The following GLDN variants were observed in gnomAD, a reference collection of about 807,000 sequenced individuals.
GLDN encodes the protein collomin.
In GLDN, 47 loss-of-function variants were observed where a neutral mutation model predicts 56.5. The observed-to-expected ratio is 0.83, with a 90% CI of 0.66 to 1.06. The LOEUF (loss-of-function observed/expected upper bound fraction) is 1.06, where lower values mean the gene tolerates loss of function less well. GLDN is among the 50% of genes least tolerant of loss of function. GLDN has a pLI of 0.00. For synonymous variants in GLDN, 332 were observed against 278.8 expected, an observed-to-expected ratio of 1.19 and a Z score of -1.90; for missense variants, 782 against 714.3, an observed-to-expected ratio of 1.09 and a Z score of -1.08.
intron 1 of GLDN, among the ~76,000 whole-genome samples, chr15:51,376,564 A>G (rs1325053119): frequency 6.6e-6 from 1 of 152,290 alleles, no homozygotes; most frequent in East Asian, 1.9e-4. Flanking sequence ...CAACAAATTA[A>G]CCTTAGCTTA....
chr15:51,353,714 T>TAAAAAA (rs1555401993), intron 1 of GLDN, among the ~76,000 whole-genome samples: 2 of 72,150 alleles, frequency 2.8e-5, no homozygotes, highest in African/African-American at 8.8e-5. Context: ...CGGATTTGAT[T>TAAAAAA]AAAAAAAAAA....
At chr15:51,351,698 T>G (rs1028542204) in intron 1 of GLDN, among the ~76,000 whole-genome samples, 24 of 152,296 alleles carry the variant, frequency 1.6e-4, no homozygotes, top group African/African-American at 5.3e-4. Context: ...TGTCCTTAGC[T>G]CAAGCAACCT....
chr15:51,371,493 T>A (rs962787175), intron 1 of GLDN, among the ~76,000 whole-genome samples: 2 of 152,236 alleles, frequency 1.3e-5, no homozygotes, highest in Non-Finnish European at 2.9e-5. Flanking sequence ...TCCTGGGGCC[T>A]CTTCCTTGGC....
At chr15:51,376,896 C>T (rs1490810178) in intron 1 of GLDN, among the ~76,000 whole-genome samples, 1 of 152,162 alleles carries the variant, frequency 6.6e-6, no homozygotes, top group Non-Finnish European at 1.5e-5. Flanking sequence ...CAGTGCCTTC[C>T]TCTGGAATAC....
Position 51,400,334 on chromosome 15 carries a change from T to C in GLDN, c.902-39T>C, listed in dbSNP as rs775626584. On this transcript the variant is annotated intron_variant, in intron 7 of 9. Coordinates refer to ENST00000335449, the MANE Select transcript of GLDN (RefSeq NM_181789.4). ...GAAATTGAATACCTTCAAGTCATAATTGGCAGGCAAGTGACTTTCTTTTCT... is the reference window on the plus strand; with the variant it reads ...GAAATTGAATACCTTCAAGTCATAACTGGCAGGCAAGTGACTTTCTTTTCT... 6 of 1,614,010 alleles carry C rather than the reference T, an allele frequency of 3.7e-6. No individual in the cohort carries two copies. The African/African-American group carries it at 5.3e-5, about 14-fold the overall frequency.
chr15:51,341,765 GGC>G lies in GLDN; in HGVS notation c.84_85del (p.Leu29GlnfsTer81), dbSNP rs2036885728. On this transcript the variant is annotated frameshift_variant, in exon 1 of 10. Coordinates refer to ENST00000335449, the MANE Select transcript of GLDN (RefSeq NM_181789.4). LOFTEE classifies it high-confidence loss of function. Reference protein sequence around the residue: ...GALAAVALLSALNAAGTVFAL... With the variant: ...GALAAVALLSXLNAAGTVFAL... ...CCCTGGCGGCCGTGGCGCTGCTCTC[GGC>G]GCTCAACGCTGCGGGCACGGTGTTC... 53 of 1,487,168 alleles carry G rather than the reference GGC, an allele frequency of 3.6e-5. No homozygotes were observed. The highest frequency in any genetic ancestry group is 4.7e-5 in the Non-Finnish European group (53 of 1,128,938). 92.1% of individuals were successfully genotyped at this position (1,487,168 alleles called of 1,614,324 possible). A position where few individuals can be genotyped will look rare whatever the true frequency, so the allele number is the denominator to read the frequency against.
chr15:51,411,579 G>T (rs1030787104), downstream of GLDN, among the ~76,000 whole-genome samples: 2 of 152,174 alleles, frequency 1.3e-5, no homozygotes, highest in African/African-American at 4.8e-5. Flanking sequence ...GTCACTGTTG[G>T]AACTACTCAC....
intron 1 of GLDN, among the ~76,000 whole-genome samples, chr15:51,353,713 T>TAAAA (rs1566935693): frequency 0.014 from 1,120 of 80,442 alleles, 76 homozygotes; most frequent in African/African-American, 0.059. Context: ...TCGGATTTGA[T>TAAAA]TAAAAAAAAA....
At chr15:51,346,277 C>T (rs576782231) in intron 1 of GLDN, among the ~76,000 whole-genome samples, 2 of 152,006 alleles carry the variant, frequency 1.3e-5, no homozygotes, top group African/African-American at 4.8e-5. Context: ...CTAGGTTCTA[C>T]AAGATATTAA....
chr15:51,388,943 G>C (rs1186116946), intron 4 of GLDN, among the ~76,000 whole-genome samples: 2 of 152,244 alleles, frequency 1.3e-5, no homozygotes, highest in Non-Finnish European at 2.9e-5. Context: ...GCCTTTCAGA[G>C]AGGCCTGCAG....
chr15:51,378,775 C>A lies in GLDN; in HGVS notation c.415+1275C>A, dbSNP rs191849886. Among the ~76,000 whole-genome samples, 293 of 152,280 alleles carry A rather than the reference C, an allele frequency of 1.9e-3. 1 individual carries two copies. The highest frequency in any genetic ancestry group is 6.1e-3 in the African/African-American group (255 of 41,560). ...CAATTAAAATTAGATGTGAAAAGTA[C>A]AAGTTGCAAAGTGAGAGGATCCTTT... On this transcript the variant is annotated intron_variant, in intron 2 of 9. Transcript: ENST00000335449.
At chr15:51,349,697 A>G (rs1595800301) in intron 1 of GLDN, among the ~76,000 whole-genome samples, 1 of 151,664 alleles carries the variant, frequency 6.6e-6, no homozygotes, top group East Asian at 1.9e-4. Flanking sequence ...AAACTTTGCC[A>G]GACCTCCACT....
chr15:51,348,211 C>T (rs2037012510), intron 1 of GLDN, among the ~76,000 whole-genome samples: 1 of 152,192 alleles, frequency 6.6e-6, no homozygotes, highest in Admixed American at 6.5e-5. Context: ...GGTTCATCTG[C>T]CTTGTCTAAA....
chr15:51,342,149 G>A (rs1169143668), intron 1 of GLDN, 102 bp downstream of exon 1: 6 of 1,445,420 alleles, frequency 4.2e-6, no homozygotes, highest in Non-Finnish European at 4.7e-6. Context: ...CAGGCTGCGA[G>A]GTGCTGCGGA....
In GLDN at chr15:51,383,817, A is replaced by C. The variant is rs200006557; in HGVS notation, c.466A>C (p.Asn156His). Residue 156 changes from asparagine to histidine, a missense_variant, in exon 4 of 10, where the codon AAC becomes CAC. Physicochemically the swap from Asn to His is moderately conservative, Grantham distance 68 (BLOSUM62 1). Coordinates refer to ENST00000335449, the MANE Select transcript of GLDN (RefSeq NM_181789.4). Reference sequence around the variant, plus strand: ...GGGAGCCGGCGGGTTGCCAGGACACAACGGATTGGATGGACAGCCTGGTCC... The same window carrying C: ...GGGAGCCGGCGGGTTGCCAGGACACCACGGATTGGATGGACAGCCTGGTCC... ...PPGAGGLPGHNGLDGQPGPQG... is the reference protein window; with the variant it reads ...PPGAGGLPGHHGLDGQPGPQG... The C allele has an allele frequency of 5.0e-6, 8 of 1,613,368 alleles. No homozygotes were observed. The highest frequency in any genetic ancestry group is 1.7e-5 in the Admixed American group (1 of 59,956).
rs2038335380 is a variant in GLDN at position 51,404,655 on chromosome 15, G to A, written c.1557G>A (p.Met519Ile). The change falls in exon 10 of 10, where the codon ATG becomes ATA. Residue 519 changes from methionine (M) to isoleucine (I), a missense_variant. Physicochemically the swap from Met to Ile is conservative, Grantham distance 10. Transcript: ENST00000335449. ...DLRTSQSVLAMLAYNMRDQHL... is the reference protein window; with the variant it reads ...DLRTSQSVLAILAYNMRDQHL... ...GAACTTCCCAGTCTGTTCTTGCCAT[G>A]TTAGCATACAACATGAGAGATCAGC... is the stretch of plus-strand genomic sequence containing the variant. 6.2e-7 allele frequency: 1 copy of A among 1,613,146 alleles called. No homozygotes were observed. The highest frequency in any genetic ancestry group is 8.5e-7 in the Non-Finnish European group (1 of 1,179,074).
chr15:51,353,690 A>G (rs1408744149), intron 1 of GLDN, among the ~76,000 whole-genome samples: 2 of 146,954 alleles, frequency 1.4e-5, no homozygotes, highest in Non-Finnish European at 3.0e-5. Flanking sequence ...TGTGGGAACT[A>G]TCAGAACAGT....
At chr15:51,348,673 T>A (rs1243090913) in intron 1 of GLDN, among the ~76,000 whole-genome samples, 3 of 152,162 alleles carry the variant, frequency 2.0e-5, no homozygotes, top group South Asian at 2.1e-4. Flanking sequence ...CTGTTTTTTT[T>A]AATGTGAAAT....
At chr15:51,374,361 C>A (rs2037579533) in intron 1 of GLDN, among the ~76,000 whole-genome samples, 1 of 152,160 alleles carries the variant, frequency 6.6e-6, no homozygotes, top group Non-Finnish European at 1.5e-5. Context: ...GTTCCTAGTG[C>A]AGCTGATTAC....
Sources: gnomAD v4.1 joint callset for allele counts (sites outside exome capture counted in the v4.1 genomes callset) on GRCh38, gnomAD v4.1.1 for gene constraint, MANE v1.5 for transcripts, NCBI Gene and HGNC (gene_info 2026-07-23, HGNC 2026-07-21) for gene names.